The following FAM167A variants were observed in gnomAD, a reference collection of about 807,000 sequenced individuals.
FAM167A encodes the protein protein FAM167A.
A neutral mutation model predicts 14.9 loss-of-function variants in FAM167A; 23 were observed. The ratio of observed to expected loss-of-function variants is 1.55; its 90% CI spans 1.11 to 2.19. The LOEUF is 2.19. Among genes scored for constraint, FAM167A ranks in the 30% most tolerant of loss-of-function variants. The probability of loss-of-function intolerance (pLI) is 0.00; values close to 1 mark genes in which losing one functional copy is unlikely to be tolerated. For missense variants in FAM167A, 401 were observed against 281.5 expected (o/e 1.42, Z -3.04); for synonymous variants, 174 against 117.7 (o/e 1.48, Z -3.10).
intron 1 of FAM167A, among the ~76,000 whole-genome samples, chr8:11,451,596 G>A (rs1807029853): frequency 6.6e-6 from 1 of 152,236 alleles, no homozygotes; most frequent in Non-Finnish European, 1.5e-5. Flanking sequence ...AGCCTTCTCT[G>A]CAACCAGAGG....
intron 2 of FAM167A, chr8:11,434,871 C>A: frequency 2.7e-6 from 1 of 371,590 alleles, no homozygotes; most frequent in Non-Finnish European, 5.4e-6. Flanking sequence ...GCTGTACACC[C>A]AAGGAAGACA....
intron 2 of FAM167A, among the ~76,000 whole-genome samples, chr8:11,427,396 C>A (rs1312326590): frequency 6.6e-6 from 1 of 152,200 alleles, no homozygotes. Flanking sequence ...GCTGCTCCTA[C>A]TTGACTCGAG....
chr8:11,424,282 G>C lies in FAM167A; in HGVS notation c.*91C>G. ...GTCCCAGGGACCCCTGCCTCCGGGA[G>C]ACCCACTGGAGTAACTTGGCCTCAG... is the stretch of plus-strand genomic sequence containing the variant. On this transcript the variant is annotated 3_prime_UTR_variant, in exon 3 of 3. Transcript: ENST00000284486. 3.2e-6 allele frequency: 5 copies of C among 1,550,636 alleles called. No individual in the cohort carries two copies. Among genetic ancestry groups the C allele is most frequent in the Non-Finnish European group, 4.4e-6 (5 of 1,141,530 alleles).
At chr8:11,466,091 C>T (rs566336348) in intron 1 of FAM167A, among the ~76,000 whole-genome samples, 2 of 152,200 alleles carry the variant, frequency 1.3e-5, no homozygotes, top group African/African-American at 2.4e-5. Context: ...TGCTCATTCC[C>T]GGGGGCCCCT....
At position 11,444,456 on chromosome 8, in the gene FAM167A, C is replaced by G; in HGVS notation, c.-45G>C. On this transcript the variant is annotated 5_prime_UTR_variant, in exon 2 of 3. Coordinates refer to ENST00000284486, the MANE Select transcript of FAM167A (RefSeq NM_053279.3). ...GCCGGACATGCGAGGGCACGGGGGG[C>G]GCAGGGGGAGGCTTGGTGGGTGGCA... The G allele has an allele frequency of 1.0e-5, 15 of 1,504,490 alleles. No individual in the cohort carries two copies. The highest frequency in any genetic ancestry group is 1.2e-5 in the Non-Finnish European group (14 of 1,128,336). The allele number at this position is 1,504,490 out of a possible 1,614,324, so 93.2% of individuals were successfully genotyped here.
chr8:11,423,395 C>G lies in FAM167A; in HGVS notation c.*978G>C, dbSNP rs975373267. On this transcript the variant is annotated 3_prime_UTR_variant, in exon 3 of 3. Transcript: ENST00000284486. ...AAGTGAACAACACATCAGTAACAGTCTTATTAAAACTAGTTGTTTAGGTCA... is the reference window on the plus strand; with the variant it reads ...AAGTGAACAACACATCAGTAACAGTGTTATTAAAACTAGTTGTTTAGGTCA... 1 of 152,628 alleles carries G rather than the reference C, an allele frequency of 6.6e-6. No homozygotes were observed. 9.5% of individuals were successfully genotyped at this position (152,628 alleles called of 1,614,324 possible). A position where few individuals can be genotyped will look rare whatever the true frequency, so the allele number is the denominator to read the frequency against.
At chr8:11,434,355 G>GA (rs1412096425) in intron 2 of FAM167A, among the ~76,000 whole-genome samples, 2 of 152,298 alleles carry the variant, frequency 1.3e-5, no homozygotes, top group East Asian at 3.9e-4. Context: ...CTGTGGATGG[G>GA]AGGGGGGCAG....
intron 1 of FAM167A, among the ~76,000 whole-genome samples, chr8:11,462,442 C>T (rs73533631): frequency 6.6e-6 from 1 of 152,146 alleles, no homozygotes; most frequent in Non-Finnish European, 1.5e-5. Flanking sequence ...ACCTCTAATA[C>T]GACTGTCACC....
upstream of FAM167A, among the ~76,000 whole-genome samples, chr8:11,472,012 T>A (rs1807975596): frequency 6.6e-6 from 1 of 152,242 alleles, no homozygotes; most frequent in Non-Finnish European, 1.5e-5. Flanking sequence ...GAAGTTGTTA[T>A]AAAGGCATAT....
At chr8:11,452,272 T>G (rs761788111) in intron 1 of FAM167A, among the ~76,000 whole-genome samples, 2 of 152,150 alleles carry the variant, frequency 1.3e-5, no homozygotes. Context: ...CGCATATGAG[T>G]GAATTTATCC....
chr8:11,455,977 G>C (rs1323353084), intron 1 of FAM167A, among the ~76,000 whole-genome samples: 1 of 145,602 alleles, frequency 6.9e-6, no homozygotes, highest in Non-Finnish European at 1.5e-5. Flanking sequence ...GTGAGTGTGG[G>C]GGGTGGTTGC....
chr8:11,424,580 G>C lies in FAM167A; in HGVS notation c.438C>G (p.Gly146=), dbSNP rs761556428. ...GTTCGATTTTCAGCTTGTTGATGTC[G>C]CCACGCAGGCGCATGAGCTGTCTGG... ...QLARQLMRLR[G]DINKLKIEHT... Residue 146 remains glycine (G), a synonymous_variant, in exon 3 of 3, where the codon GGC becomes GGG. Coordinates refer to ENST00000284486, the MANE Select transcript of FAM167A (RefSeq NM_053279.3). 1.9e-6 allele frequency: 3 copies of C among 1,613,994 alleles called. No homozygotes were observed. The highest frequency in any genetic ancestry group is 1.7e-5 in the Admixed American group (1 of 59,996).
upstream of FAM167A, chr8:11,467,471 G>C (rs1807818962): frequency 6.6e-6 from 1 of 152,588 alleles, no homozygotes; most frequent in Non-Finnish European, 1.5e-5. Context: ...GCCCAGGCCA[G>C]ACACTGGAGG....
At chr8:11,434,890 C>T (rs573773296) in intron 2 of FAM167A, 12 of 383,458 alleles carry the variant, frequency 3.1e-5, no homozygotes, top group East Asian at 1.5e-4. Flanking sequence ...CATTCTGTGC[C>T]GGAGAGAGAG....
At chr8:11,464,952 G>A (rs1357006145) in intron 1 of FAM167A, among the ~76,000 whole-genome samples, 1 of 152,188 alleles carries the variant, frequency 6.6e-6, no homozygotes, top group Non-Finnish European at 1.5e-5. Flanking sequence ...GCGGGGACTG[G>A]CAATTTAGTA....
intron 2 of FAM167A, among the ~76,000 whole-genome samples, chr8:11,441,348 G>A (rs1242621627): frequency 2.0e-5 from 3 of 152,188 alleles, no homozygotes; most frequent in Non-Finnish European, 2.9e-5. Context: ...GTGGCCCAGG[G>A]ACTAACAGAA....
intron 1 of FAM167A, among the ~76,000 whole-genome samples, chr8:11,455,274 C>G (rs1193731651): frequency 2.6e-4 from 25 of 97,210 alleles, no homozygotes; most frequent in Middle Eastern, 0.01. Flanking sequence ...TTGCCTTGCT[C>G]TGTGTGTGTC....
chr8:11,445,375 C>A (rs1283449430), intron 1 of FAM167A: 1 of 986,006 alleles, frequency 1.0e-6, no homozygotes, highest in African/African-American at 1.7e-5. Context: ...ACATCCAGGT[C>A]TTACTCTACG....
At chr8:11,445,047 T>C in intron 1 of FAM167A, 1 of 870,892 alleles carries the variant, frequency 1.1e-6, no homozygotes, top group Non-Finnish European at 1.4e-6. Context: ...ACTCCGCCTC[T>C]ACTATCTTAT....
Sources: allele counts gnomAD v4.1 joint callset (sites outside exome capture counted in the v4.1 genomes callset), GRCh38; gene constraint gnomAD v4.1.1; transcripts MANE v1.5; gene names NCBI Gene and HGNC (gene_info 2026-07-23, HGNC 2026-07-21).